CASZ1: variants seen among roughly 807,000 people sequenced by gnomAD.
CASZ1 encodes the protein castor zinc finger 1.
A neutral mutation model predicts 135.2 loss-of-function variants in CASZ1; 28 were observed. The ratio of observed to expected loss-of-function variants is 0.21; its 90% CI spans 0.15 to 0.28. The LOEUF (loss-of-function observed/expected upper bound fraction) is 0.28. Ranked by LOEUF, CASZ1 falls within the 10% of genes least tolerant of loss-of-function variation. CASZ1 has a pLI of 1.00. For synonymous variants in CASZ1, 1,068 were observed against 1,073.4 expected (o/e 0.99, Z 0.10); for missense variants, 2,161 against 2,453.3 (o/e 0.88, Z 2.52).
At chr1:10,658,380 G>A in intron 7 of CASZ1, 128 bp downstream of exon 7, 1 of 723,608 alleles carries the variant, frequency 1.4e-6, no homozygotes, top group South Asian at 1.6e-5. Flanking sequence ...GGACCGAAGT[G>A]GATGGGGATG....
At chr1:10,768,832 A>T (rs970055521) in intron 1 of CASZ1, among the ~76,000 whole-genome samples, 5 of 152,116 alleles carry the variant, frequency 3.3e-5, no homozygotes, top group Non-Finnish European at 7.4e-5. Flanking sequence ...GGATGCACCA[A>T]CCTCCCAGGA....
chr1:10,653,201 C>T, intron 11 of CASZ1, 176 bp downstream of exon 11: 1 of 716,828 alleles, frequency 1.4e-6, no homozygotes, highest in East Asian at 2.7e-5. Context: ...ACCAGGGGCC[C>T]CACATAGAAA....
At chr1:10,792,087 G>A (rs1398085497) in intron 1 of CASZ1, among the ~76,000 whole-genome samples, 1 of 150,330 alleles carries the variant, frequency 6.7e-6, no homozygotes, top group Non-Finnish European at 1.5e-5. Flanking sequence ...TCTGAGCTGA[G>A]CAGCAACAAC....
chr1:10,717,386 TTTTTC>T lies in CASZ1; in HGVS notation c.-76-11847_-76-11843del, dbSNP rs560946684. ...GTGTTGGTGAGTTGTTGGAGGTTTT[TTTTTC>T]TTTTCTTTTCTTTTTTGCTATTTAT... is the stretch of plus-strand genomic sequence containing the variant. On this transcript the variant is annotated intron_variant, in intron 2 of 20. Coordinates refer to ENST00000377022, the MANE Select transcript of CASZ1 (RefSeq NM_001079843.3). This position sits in a 1 kb window ranked among gnomAD's most constrained non-coding sequence, Gnocchi z 4.6. Among the ~76,000 whole-genome samples, 2 of 152,172 alleles carry T rather than the reference TTTTTC, an allele frequency of 1.3e-5. No individual in the cohort carries two copies. Among genetic ancestry groups the T allele is most frequent in the African/African-American group, 2.4e-5 (1 of 41,430 alleles).
chr1:10,724,045 A>G lies in CASZ1; in HGVS notation c.-76-18501T>C, dbSNP rs372468682. ...ATCACTTTGGATTCCTGGTGAGGAC[A>G]AGTCCAGTTTTCCAAACCGACCTTG... is the stretch of plus-strand genomic sequence containing the variant. On this transcript the variant is annotated intron_variant, in intron 2 of 20. Coordinates refer to ENST00000377022, the MANE Select transcript of CASZ1 (RefSeq NM_001079843.3). This position sits in a 1 kb window ranked among gnomAD's most constrained non-coding sequence, Gnocchi z 4.1. 6.6e-6 allele frequency among the ~76,000 whole-genome samples: 1 copy of G among 152,188 alleles called. No homozygotes were observed. Among genetic ancestry groups the G allele is most frequent in the African/African-American group, 2.4e-5 (1 of 41,452 alleles).
At position 10,639,584 on chromosome 1, in the gene CASZ1, C is replaced by G; in HGVS notation, c.4638G>C (p.Ala1546=). 3 of 1,611,846 alleles carry G rather than the reference C, an allele frequency of 1.9e-6. No individual in the cohort carries two copies. Among genetic ancestry groups the G allele is most frequent in the Non-Finnish European group, 2.5e-6 (3 of 1,179,602 alleles). ...CGCTGGAGCTGAACTGGCAGAAGCC[C>G]GCGGCGCTGATCACGTCCTGTTTGC... ...HHGKQDVISA[A]GFCQFSSSAD... is the part of the protein sequence containing the mutation. Residue 1546 remains alanine, a synonymous_variant, in exon 21 of 21, where the codon GCG becomes GCC. Coordinates refer to ENST00000377022, the MANE Select transcript of CASZ1 (RefSeq NM_001079843.3). This position sits in a 1 kb window ranked among gnomAD's most constrained non-coding sequence, Gnocchi z 4.0.
intron 2 of CASZ1, among the ~76,000 whole-genome samples, chr1:10,744,289 T>C (rs1639995484): frequency 1.3e-5 from 2 of 151,928 alleles, no homozygotes; most frequent in African/African-American, 4.8e-5. Flanking sequence ...GGGCGGGAAC[T>C]TTGGTACCGA....
At chr1:10,684,473 G>T (rs1638524038) in intron 4 of CASZ1, among the ~76,000 whole-genome samples, 1 of 152,192 alleles carries the variant, frequency 6.6e-6, no homozygotes, top group South Asian at 2.1e-4. Flanking sequence ...CCAGCTGCAA[G>T]TCCTCCTCCT....
At chr1:10,729,305 T>C (rs1639660420) in intron 2 of CASZ1, among the ~76,000 whole-genome samples, 1 of 152,174 alleles carries the variant, frequency 6.6e-6, no homozygotes, top group Non-Finnish European at 1.5e-5. Flanking sequence ...GACCAGGCTC[T>C]TCTAGCTGTG....
chr1:10,722,023 G>A (rs769462345), intron 2 of CASZ1, among the ~76,000 whole-genome samples: 4 of 152,224 alleles, frequency 2.6e-5, no homozygotes, highest in East Asian at 1.9e-4. Flanking sequence ...GCATCTGCTC[G>A]TTAAGATGAC....
intron 2 of CASZ1, among the ~76,000 whole-genome samples, chr1:10,728,975 C>A (rs866582094): frequency 5.3e-5 from 8 of 152,310 alleles, no homozygotes; most frequent in South Asian, 2.1e-4. Flanking sequence ...GCCTTCCCCC[C>A]CCACTCTCCG....
intron 1 of CASZ1, among the ~76,000 whole-genome samples, chr1:10,779,449 G>C (rs1332314974): frequency 6.6e-6 from 1 of 152,082 alleles, no homozygotes; most frequent in Non-Finnish European, 1.5e-5. Flanking sequence ...GCCCTGCGGG[G>C]GCCGTGGGTG....
At position 10,649,265 on chromosome 1, in the gene CASZ1, CG is replaced by C. The variant is rs1042535205; in HGVS notation, c.3035+17del. On this transcript the variant is annotated intron_variant, in intron 14 of 20. Coordinates refer to ENST00000377022, the MANE Select transcript of CASZ1 (RefSeq NM_001079843.3). Reference sequence around the variant, plus strand: ...GGTGCGGGGGGACGATGGGTGGACGCGGCCAGCAGCCCCTCACCTGCGCAGG... The same window carrying C: ...GGTGCGGGGGGACGATGGGTGGACGCGCCAGCAGCCCCTCACCTGCGCAGG... 5 of 1,601,800 alleles carry C rather than the reference CG, an allele frequency of 3.1e-6. No homozygotes were observed. The Admixed American group carries it at 5.1e-5, about 16-fold the overall frequency.
Position 10,656,314 on chromosome 1 carries a change from A to G in CASZ1, c.1500+332T>C, listed in dbSNP as rs1003959375. On this transcript the variant is annotated intron_variant, in intron 8 of 20. Coordinates refer to ENST00000377022, the MANE Select transcript of CASZ1 (RefSeq NM_001079843.3). ...ATCTTTAAGATGGGGCAGTAATGCT[A>G]ACCTTCTAAGGCCACTGCAAAGAGT... 3.7e-4 allele frequency among the ~76,000 whole-genome samples: 56 copies of G among 152,318 alleles called. 1 individual carries two copies. Among genetic ancestry groups the G allele is most frequent in the African/African-American group, 1.3e-3 (55 of 41,564 alleles).
chr1:10,757,554 G>A lies in CASZ1; in HGVS notation c.-77+3147C>T, dbSNP rs1376693053. On this transcript the variant is annotated intron_variant, in intron 2 of 20. Transcript: ENST00000377022. The surrounding 1 kb of genome is among the most constrained non-coding windows in gnomAD (Gnocchi z 4.6). ...TGTAATCCCAGCACCTTGGGGGGCTGAGGTGGGTGGATCACTTGAGGTTAG... is the reference window on the plus strand; with the variant it reads ...TGTAATCCCAGCACCTTGGGGGGCTAAGGTGGGTGGATCACTTGAGGTTAG... Among the ~76,000 whole-genome samples, 1 of 152,158 alleles carries A rather than the reference G, an allele frequency of 6.6e-6. No homozygotes were observed. Among genetic ancestry groups the A allele is most frequent in the Non-Finnish European group, 1.5e-5 (1 of 68,030 alleles).
chr1:10,639,297 G>C lies in CASZ1; in HGVS notation c.4925C>G (p.Ala1642Gly). The C allele has an allele frequency of 3.7e-6, 5 of 1,347,102 alleles. No individual in the cohort carries two copies. Among genetic ancestry groups the C allele is most frequent in the Non-Finnish European group, 4.7e-6 (5 of 1,054,900 alleles). The allele number at this position is 1,347,102 out of a possible 1,614,324, so 83.4% of individuals were successfully genotyped here. A position where few individuals can be genotyped will look rare whatever the true frequency, so the allele number is the denominator to read the frequency against. The change falls in exon 21 of 21, where the codon GCG becomes GGG. Residue 1642 changes from alanine to glycine, a missense_variant. By Grantham distance (60) the Ala-to-Gly change is moderately conservative. Around this residue, in one of 7 missense-constraint regions of CASZ1, gnomAD observed 240 missense variants for 321.4 expected, o/e 0.75. Transcript: ENST00000377022. This position sits in a 1 kb window ranked among gnomAD's most constrained non-coding sequence, Gnocchi z 4.0. ...LQSAAAGLGL[A>G]LGDAGDPGPP... Reference sequence around the variant, plus strand: ...GCCGGGGTCGCCCGCGTCGCCCAGCGCCAGGCCCAGGCCGGCGGCCGCCGA... The same window carrying C: ...GCCGGGGTCGCCCGCGTCGCCCAGCCCCAGGCCCAGGCCGGCGGCCGCCGA...
At chr1:10,710,544 G>A (rs1639265801) in intron 2 of CASZ1, among the ~76,000 whole-genome samples, 1 of 152,232 alleles carries the variant, frequency 6.6e-6, no homozygotes, top group South Asian at 2.1e-4. Context: ...AGTGGTTCTG[G>A]CAAAGGAGTC....
In CASZ1 at chr1:10,759,355, A is replaced by G. The variant is rs1395460044; in HGVS notation, c.-77+1346T>C. 3.3e-5 allele frequency among the ~76,000 whole-genome samples: 5 copies of G among 152,220 alleles called. No homozygotes were observed. Among genetic ancestry groups the G allele is most frequent in the African/African-American group, 1.2e-4 (5 of 41,534 alleles). The stretch of plus-strand genomic sequence containing the variant: ...ACTTCAGCGCCACGAAACTCCCCCC[A>G]CGGCCTTTTCCAGGTGACAGTCTAA... On this transcript the variant is annotated intron_variant, in intron 2 of 20. Coordinates refer to ENST00000377022, the MANE Select transcript of CASZ1 (RefSeq NM_001079843.3). This position sits in a 1 kb window ranked among gnomAD's most constrained non-coding sequence, Gnocchi z 4.2.
chr1:10,668,019 A>G (rs978193623), intron 4 of CASZ1, among the ~76,000 whole-genome samples: 2 of 152,064 alleles, frequency 1.3e-5, no homozygotes, highest in African/African-American at 4.8e-5. Flanking sequence ...GCCCCAGCCC[A>G]CCTGCCTTCC....
Sources: gnomAD v4.1 joint callset for allele counts (sites outside exome capture counted in the v4.1 genomes callset) on GRCh38, gnomAD v4.1.1 for gene constraint, gnomAD v4.1.1 regional missense constraint, Gnocchi (gnomAD v3.1) non-coding constraint, MANE v1.5 for transcripts, NCBI Gene and HGNC (gene_info 2026-07-23, HGNC 2026-07-21) for gene names.